BRCA1: variants seen among roughly 807,000 people sequenced by gnomAD.
BRCA1 encodes the protein BRCA1 DNA repair associated.
A neutral mutation model predicts 173.7 loss-of-function variants in BRCA1; 140 were observed. The ratio of observed to expected loss-of-function variants is 0.81; its 90% CI spans 0.70 to 0.93. The LOEUF is 0.93. BRCA1 is among the 40% of genes least tolerant of loss of function. The probability of loss-of-function intolerance (pLI) is 0.00; values close to 1 mark genes in which losing one functional copy is unlikely to be tolerated. For synonymous variants in BRCA1, 662 were observed against 756.0 expected, an observed-to-expected ratio of 0.88 and a Z score of 2.04; for missense variants, 1,983 against 2,172.5, an observed-to-expected ratio of 0.91 and a Z score of 1.73.
intron 14 of BRCA1, among the ~76,000 whole-genome samples, chr17:43,071,928 T>C (rs1297320642): frequency 6.6e-6 from 1 of 150,734 alleles, no homozygotes; most frequent in Non-Finnish European, 1.5e-5. Flanking sequence ...GAATGGCGTG[T>C]ACCCGGGAGG....
At chr17:43,096,070 A>G in intron 8 of BRCA1, 148 bp from the exon 9 acceptor site, 1 of 720,214 alleles carries the variant, frequency 1.4e-6, no homozygotes, top group Non-Finnish European at 2.4e-6. Flanking sequence ...TCTCCTTTAG[A>G]AACTTCTAGT....
At chr17:43,137,364 C>G (rs2056034719) in intron 1 of BRCA1, among the ~76,000 whole-genome samples, 1 of 151,044 alleles carries the variant, frequency 6.6e-6, no homozygotes. Flanking sequence ...CAACATGACA[C>G]GTGTATACCT....
rs2051104332 is a variant in BRCA1, at chr17:43,049,267, C to G, written c.5333-73G>C. 1 of 1,363,418 alleles carries G rather than the reference C, an allele frequency of 7.3e-7. No individual in the cohort carries two copies. Among genetic ancestry groups the G allele is most frequent in the South Asian group, 1.2e-5 (1 of 84,730 alleles). The allele number at this position is 1,363,418 out of a possible 1,614,324, so 84.5% of individuals were successfully genotyped here. A position where few individuals can be genotyped will look rare whatever the true frequency, so the allele number is the denominator to read the frequency against. On this transcript the variant is annotated intron_variant, in intron 20 of 22. Transcript: ENST00000357654. ...TAACCCAGGCCCTCTACCCTACACT[C>G]TCCGGATGAAGGCTTATAGCAAGAC...
chr17:43,102,841 G>C (rs540643971), intron 6 of BRCA1, among the ~76,000 whole-genome samples: 1 of 152,052 alleles, frequency 6.6e-6, no homozygotes, highest in African/African-American at 2.4e-5. Flanking sequence ...TTTTAATATA[G>C]ACAAGGACTT....
intron 18 of BRCA1, among the ~76,000 whole-genome samples, chr17:43,060,056 C>A (rs559734761): frequency 6.6e-6 from 1 of 152,114 alleles, no homozygotes; most frequent in Non-Finnish European, 1.5e-5. Flanking sequence ...CAGGCACATG[C>A]CACCATTCCC....
intron 6 of BRCA1, 46 bp downstream of exon 6, chr17:43,104,070 GAAAAAA>G: frequency 4.3e-6 from 3 of 704,978 alleles, no homozygotes; most frequent in Non-Finnish European, 4.0e-6. Context: ...AAAAAAAAAA[GAAAAAA>G]AAAAGAAAAG....
At chr17:43,057,194 A>C (rs2153410344) in intron 18 of BRCA1, 59 bp from the exon 19 acceptor site, 1 of 1,535,442 alleles carries the variant, frequency 6.5e-7, no homozygotes, top group Admixed American at 1.7e-5. Context: ...CCTTCAATGG[A>C]AGTGGAGCAG....
intron 18 of BRCA1, among the ~76,000 whole-genome samples, chr17:43,058,772 A>G (rs1024505919): frequency 4.5e-4 from 68 of 152,376 alleles, no homozygotes; most frequent in African/African-American, 1.6e-3. Context: ...TAACACAACC[A>G]AAATGATAAA....
chr17:43,055,085 A>G (rs1415818051), intron 19 of BRCA1, among the ~76,000 whole-genome samples: 1 of 152,070 alleles, frequency 6.6e-6, no homozygotes, highest in Non-Finnish European at 1.5e-5. Flanking sequence ...TGCACACTTG[A>G]AAAAGGAAGA....
intron 18 of BRCA1, among the ~76,000 whole-genome samples, chr17:43,059,555 C>T (rs897408475): frequency 6.6e-6 from 1 of 152,128 alleles, no homozygotes; most frequent in African/African-American, 2.4e-5. Flanking sequence ...TCCATTCCTG[C>T]TTCCTGCCTT....
In BRCA1 at chr17:43,045,647, C is replaced by T. The variant is rs776323505; in HGVS notation, c.*31G>A. The T allele has an allele frequency of 1.2e-5, 20 of 1,613,404 alleles. No homozygotes were observed. In the East Asian group the frequency reaches 3.8e-4, roughly 31 times the overall value. On this transcript the variant is annotated 3_prime_UTR_variant, in exon 23 of 23. Coordinates refer to ENST00000357654, the MANE Select transcript of BRCA1 (RefSeq NM_007294.4). Reference sequence around the variant, plus strand: ...CACTTTGTAAGCTCATTCTTGGGGTCCTGTGGCTCTGTACCTGTGGCTGGC... The same window carrying T: ...CACTTTGTAAGCTCATTCTTGGGGTTCTGTGGCTCTGTACCTGTGGCTGGC...
chr17:43,139,905 A>G (rs781531334), intron 1 of BRCA1: 1 of 479,132 alleles, frequency 2.1e-6, no homozygotes. Context: ...CTTTTGTTCT[A>G]ACGTTTGGTC....
At chr17:43,089,664 T>C (rs1375586654) in intron 11 of BRCA1, among the ~76,000 whole-genome samples, 2 of 151,554 alleles carry the variant, frequency 1.3e-5, no homozygotes, top group African/African-American at 4.9e-5. Context: ...TCTCCTGCTT[T>C]AGCCTCCCAT....
intron 20 of BRCA1, 71 bp from the exon 21 acceptor site, chr17:43,049,265 C>A (rs2152967698): frequency 7.2e-7 from 1 of 1,379,594 alleles, no homozygotes; most frequent in South Asian, 1.2e-5. Context: ...CTACCCTACA[C>A]TCTCCGGATG....
At chr17:43,137,054 G>A (rs1487368227) in intron 1 of BRCA1, among the ~76,000 whole-genome samples, 1 of 152,092 alleles carries the variant, frequency 6.6e-6, no homozygotes, top group African/African-American at 2.4e-5. Flanking sequence ...ATGATAGACT[G>A]GATTAAGAAA....
intron 6 of BRCA1, among the ~76,000 whole-genome samples, chr17:43,102,451 G>T (rs2054528948): frequency 6.8e-6 from 1 of 146,208 alleles, no homozygotes; most frequent in Non-Finnish European, 1.5e-5. Flanking sequence ...CCGACTCTCA[G>T]GTTCAAGTGA....
intron 3 of BRCA1, chr17:43,110,457 G>A: frequency 2.9e-6 from 1 of 348,818 alleles, no homozygotes; most frequent in African/African-American, 2.1e-5. Flanking sequence ...ATGGTGGTGT[G>A]CACTTACAGT....
chr17:43,099,918 G>T (rs1488130257), intron 6 of BRCA1, 38 bp from the exon 7 acceptor site: 4 of 1,485,740 alleles, frequency 2.7e-6, no homozygotes, highest in Middle Eastern at 3.4e-4. Flanking sequence ...GCAATTGTTG[G>T]CCAGTTCTGT....
In BRCA1 at chr17:43,067,978, T is replaced by G. The variant is rs566672587; in HGVS notation, c.4987-283A>C. On this transcript the variant is annotated intron_variant, in intron 15 of 22. Coordinates refer to ENST00000357654, the MANE Select transcript of BRCA1 (RefSeq NM_007294.4). ...CAGAAAGGGTACATTTAAAAAATTC[T>G]AAGACACCTGAAGTCTCGGCTGGGC... Among the ~76,000 whole-genome samples, 34 of 151,118 alleles carry G rather than the reference T, an allele frequency of 2.2e-4. No homozygotes were observed. The South Asian group carries it at 6.9e-3, about 31-fold the overall frequency.
Sources: gnomAD v4.1 joint callset for allele counts (sites outside exome capture counted in the v4.1 genomes callset) on GRCh38, gnomAD v4.1.1 for gene constraint, MANE v1.5 for transcripts, NCBI Gene and HGNC (gene_info 2026-07-23, HGNC 2026-07-21) for gene names.